The following NHEJ1 variants were observed in gnomAD, a reference collection of about 807,000 sequenced individuals.
NHEJ1 encodes the protein non-homologous end joining factor 1.
NHEJ1 carries 22 observed loss-of-function variants against 39.4 expected under a neutral mutation model. That is an observed-to-expected ratio of 0.56 (90% CI 0.40 to 0.80). The LOEUF (loss-of-function observed/expected upper bound fraction) is 0.80, where lower values mean the gene tolerates loss of function less well. Ranked by LOEUF, NHEJ1 falls within the 30% of genes least tolerant of loss-of-function variation. The pLI is 0.00. For synonymous variants in NHEJ1, 154 were observed against 135.6 expected, an observed-to-expected ratio of 1.14 and a Z score of -0.94; for missense variants, 329 against 357.1, an observed-to-expected ratio of 0.92 and a Z score of 0.63.
intron 5 of NHEJ1, among the ~76,000 whole-genome samples, chr2:219,112,561 C>A (rs1056199251): frequency 1.3e-5 from 2 of 152,124 alleles, no homozygotes; most frequent in African/African-American, 4.8e-5. Context: ...GGGGCACACA[C>A]CTAGACCCTT....
intron 5 of NHEJ1, among the ~76,000 whole-genome samples, chr2:219,108,350 T>C (rs1024460153): frequency 3.9e-5 from 6 of 152,050 alleles, no homozygotes; most frequent in African/African-American, 1.5e-4. Context: ...GTCTAATCCA[T>C]CCAAATGCTA....
intron 3 of NHEJ1, among the ~76,000 whole-genome samples, chr2:219,153,980 C>A (rs1446890120): frequency 6.6e-6 from 1 of 152,192 alleles, no homozygotes; most frequent in Non-Finnish European, 1.5e-5. Flanking sequence ...TTTACTCACA[C>A]ATTTACATGC....
At chr2:219,150,401 A>C (rs190860242) in intron 3 of NHEJ1, among the ~76,000 whole-genome samples, 1 of 152,220 alleles carries the variant, frequency 6.6e-6, no homozygotes, top group Non-Finnish European at 1.5e-5. Flanking sequence ...CTGACTCCCA[A>C]TTGAGGTCCT....
At chr2:219,109,146 A>G (rs1379502359) in intron 5 of NHEJ1, among the ~76,000 whole-genome samples, 2 of 152,114 alleles carry the variant, frequency 1.3e-5, no homozygotes, top group Admixed American at 6.5e-5. Context: ...AACCCTCTAC[A>G]TCCTTGACTG....
Position 219,074,942 on chromosome 2 carries a change from G to A in NHEJ1, c.*1439C>T, listed in dbSNP as rs1323452266. Among the ~76,000 whole-genome samples, 2 of 152,092 alleles carry A rather than the reference G, an allele frequency of 1.3e-5. No individual in the cohort carries two copies. The highest frequency in any genetic ancestry group is 2.4e-5 in the African/African-American group (1 of 41,386). On this transcript the variant is annotated 3_prime_UTR_variant, in exon 8 of 8. Coordinates refer to ENST00000356853, the MANE Select transcript of NHEJ1 (RefSeq NM_024782.3). ...AGACTCTGCTAGCAGGAAAAAGCAT[G>A]AGGGTAAGTCCTGGAGTCCTCAAGA... is the stretch of plus-strand genomic sequence containing the variant.
intron 5 of NHEJ1, among the ~76,000 whole-genome samples, chr2:219,086,036 T>G (rs1481699930): frequency 6.6e-6 from 1 of 152,148 alleles, no homozygotes; most frequent in Non-Finnish European, 1.5e-5. Flanking sequence ...GAAGAAAGAC[T>G]ATAAAAAGAG....
chr2:219,089,604 A>T (rs1949143237), intron 5 of NHEJ1, among the ~76,000 whole-genome samples: 2 of 152,194 alleles, frequency 1.3e-5, no homozygotes, highest in African/African-American at 4.8e-5. Flanking sequence ...AATGACTGCA[A>T]ATAGGTATGG....
At position 219,073,032 on chromosome 2, in the gene NHEJ1, G is replaced by A. The variant is rs982575724; in HGVS notation, c.*3349C>T. Among the ~76,000 whole-genome samples, 2 of 152,162 alleles carry A rather than the reference G, an allele frequency of 1.3e-5. No homozygotes were observed. Among genetic ancestry groups the A allele is most frequent in the Non-Finnish European group, 2.9e-5 (2 of 68,034 alleles). ...AATGGGAGGTCTAAGTGAAAAGGAAGGAAAGAAAAGGGAGTCCAAATGTAC... is the reference window on the plus strand; with the variant it reads ...AATGGGAGGTCTAAGTGAAAAGGAAAGAAAGAAAAGGGAGTCCAAATGTAC... On this transcript the variant is annotated 3_prime_UTR_variant, in exon 8 of 8. Coordinates refer to ENST00000356853, the MANE Select transcript of NHEJ1 (RefSeq NM_024782.3).
In NHEJ1 at chr2:219,147,820, G is replaced by C. The variant is rs188077600; in HGVS notation, c.391-25C>G. 4 of 1,612,942 alleles carry C rather than the reference G, an allele frequency of 2.5e-6. No homozygotes were observed. The African/African-American group carries it at 4.0e-5, about 16-fold the overall frequency. The stretch of plus-strand genomic sequence containing the variant: ...CCTTTGAGGGAAGAGATATCAATTA[G>C]CCAAAAGACTCTTATAAAGTACTTT... On this transcript the variant is annotated intron_variant, in intron 3 of 7. Transcript: ENST00000356853.
At chr2:219,129,562 T>A (rs1949556801) in intron 5 of NHEJ1, among the ~76,000 whole-genome samples, 1 of 152,210 alleles carries the variant, frequency 6.6e-6, no homozygotes, top group African/African-American at 2.4e-5. Flanking sequence ...GAGCCCAAGT[T>A]TCTATGAAGA....
intron 5 of NHEJ1, among the ~76,000 whole-genome samples, chr2:219,106,795 A>T (rs13408333): frequency 0.11 from 16,251 of 152,230 alleles, 885 homozygotes; most frequent in African/African-American, 0.13. Context: ...GAGAAAAGAA[A>T]AAGTACAGAC....
chr2:219,152,376 C>T (rs954050153), intron 3 of NHEJ1, among the ~76,000 whole-genome samples: 1 of 152,222 alleles, frequency 6.6e-6, no homozygotes, highest in African/African-American at 2.4e-5. Flanking sequence ...GAGGCTAAAG[C>T]GGGAGAATCA....
chr2:219,103,607 A>C (rs1329630121), intron 5 of NHEJ1, among the ~76,000 whole-genome samples: 1 of 152,188 alleles, frequency 6.6e-6, no homozygotes, highest in East Asian at 1.9e-4. Flanking sequence ...ATGACTGCTA[A>C]ATGGAAAGAA....
chr2:219,139,555 T>C (rs758168996), intron 5 of NHEJ1, among the ~76,000 whole-genome samples: 35 of 152,236 alleles, frequency 2.3e-4, no homozygotes, highest in African/African-American at 6.3e-4. Context: ...AGCTGACATA[T>C]TGACTGCAAC....
chr2:219,077,930 T>A (rs1949029028), intron 6 of NHEJ1, 159 bp downstream of exon 6: 1 of 651,198 alleles, frequency 1.5e-6, no homozygotes, highest in African/African-American at 1.8e-5. Context: ...ACTTGAAATG[T>A]GGCTACTGCA....
chr2:219,138,434 G>A (rs1278072645), intron 5 of NHEJ1, among the ~76,000 whole-genome samples: 1 of 152,238 alleles, frequency 6.6e-6, no homozygotes, highest in Non-Finnish European at 1.5e-5. Context: ...GGCTGCCTAT[G>A]TCTAAGGCTA....
intron 5 of NHEJ1, among the ~76,000 whole-genome samples, chr2:219,130,989 G>A (rs1949572635): frequency 6.6e-6 from 1 of 152,134 alleles, no homozygotes; most frequent in South Asian, 2.1e-4. Context: ...CTACTCGGGA[G>A]GCTGAGGTGG....
intron 5 of NHEJ1, among the ~76,000 whole-genome samples, chr2:219,098,953 T>C (rs762604648): frequency 6.6e-6 from 1 of 152,048 alleles, no homozygotes; most frequent in Non-Finnish European, 1.5e-5. Context: ...AAGGGAGTGA[T>C]TACAATTGAC....
chr2:219,088,323 T>C (rs184447243), intron 5 of NHEJ1, among the ~76,000 whole-genome samples: 11 of 152,132 alleles, frequency 7.2e-5, no homozygotes, highest in South Asian at 4.2e-4. Context: ...AAGAGCAACA[T>C]AGATGAATTT....
Sources: gnomAD v4.1 joint callset for allele counts (sites outside exome capture counted in the v4.1 genomes callset) on GRCh38, gnomAD v4.1.1 for gene constraint, MANE v1.5 for transcripts, NCBI Gene and HGNC (gene_info 2026-07-23, HGNC 2026-07-21) for gene names.